Variants in PSEN2 observed in about 807,000 individuals in gnomAD.
The protein encoded by PSEN2 is presenilin 2.
In PSEN2, 32 loss-of-function variants were observed where a neutral mutation model predicts 49.1. The ratio of observed to expected loss-of-function variants is 0.65; its 90% CI spans 0.49 to 0.88. The LOEUF (loss-of-function observed/expected upper bound fraction) is 0.88, where lower values mean the gene tolerates loss of function less well. Among genes scored for constraint, PSEN2 ranks in the 40% least tolerant of loss-of-function variants. The pLI is 0.00. For synonymous variants in PSEN2, 255 were observed against 244.0 expected (o/e 1.05, Z -0.42); for missense variants, 522 against 586.9 (o/e 0.89, Z 1.14).
At chr1:226,874,837 T>C (rs537764045) in intron 2 of PSEN2, among the ~76,000 whole-genome samples, 4 of 152,344 alleles carry the variant, frequency 2.6e-5, no homozygotes, top group African/African-American at 7.2e-5. Context: ...TCAAATCACA[T>C]AGGCAGGCGA....
chr1:226,887,816 C>G (rs546428854), intron 6 of PSEN2, among the ~76,000 whole-genome samples: 1 of 152,276 alleles, frequency 6.6e-6, no homozygotes, highest in African/African-American at 2.4e-5. Context: ...CATTACCTTT[C>G]TAAGTGAACC....
chr1:226,878,767 G>T (rs1456364550), intron 3 of PSEN2, among the ~76,000 whole-genome samples: 1 of 152,164 alleles, frequency 6.6e-6, no homozygotes, highest in East Asian at 1.9e-4. Context: ...AAACAAAACT[G>T]TCATACTAGA....
intron 4 of PSEN2, among the ~76,000 whole-genome samples, chr1:226,882,676 TC>T (rs369062728): frequency 6.6e-6 from 1 of 152,206 alleles, no homozygotes; most frequent in African/African-American, 2.4e-5. Context: ...TGGACTGTTT[TC>T]TTGCAGCCAG....
chr1:226,883,214 A>T (rs1419753545), intron 4 of PSEN2, among the ~76,000 whole-genome samples: 1 of 152,230 alleles, frequency 6.6e-6, no homozygotes, highest in African/African-American at 2.4e-5. Context: ...TCTGTGGGGC[A>T]GAAAGTTCAA....
In PSEN2 at chr1:226,891,900, A is replaced by G. The variant is rs537527025; in HGVS notation, c.1072+56A>G. ...CAGCCTACGGCGGGAGCGGAGACAG[A>G]GGGTGGAGGCTCCCTGCAGCCTGGG... On this transcript the variant is annotated intron_variant, in intron 11 of 12. Transcript: ENST00000366783. 4.6e-6 allele frequency: 7 copies of G among 1,509,576 alleles called. No individual in the cohort carries two copies. The South Asian group carries it at 7.9e-5, about 17-fold the overall frequency. The allele number at this position is 1,509,576 out of a possible 1,614,324, so 93.5% of individuals were successfully genotyped here.
At chr1:226,876,684 G>A (rs1660647584) in intron 3 of PSEN2, among the ~76,000 whole-genome samples, 1 of 152,128 alleles carries the variant, frequency 6.6e-6, no homozygotes, top group Admixed American at 6.5e-5. Flanking sequence ...GGTTCGTAAA[G>A]TTTTATGTTC....
chr1:226,884,059 G>A (rs1286176065), intron 5 of PSEN2, 140 bp downstream of exon 5: 6 of 737,910 alleles, frequency 8.1e-6, no homozygotes, highest in Non-Finnish European at 1.3e-5. Context: ...GAACCGCCCA[G>A]GTTCATGGCC....
chr1:226,885,422 T>G, intron 5 of PSEN2, 116 bp from the exon 6 acceptor site: 1 of 1,188,764 alleles, frequency 8.4e-7, no homozygotes, highest in Non-Finnish European at 1.2e-6. Context: ...CAGGGCAGCA[T>G]GTGGGCAGCA....
At chr1:226,880,764 C>T in intron 3 of PSEN2, 2 of 1,612,096 alleles carry the variant, frequency 1.2e-6, no homozygotes, top group African/African-American at 1.3e-5. Context: ...GTGTGAAACC[C>T]CACTTGGCAC....
chr1:226,891,162 G>C (rs1661712982), intron 9 of PSEN2, 116 bp from the exon 10 acceptor site: 2 of 830,846 alleles, frequency 2.4e-6, no homozygotes, highest in Admixed American at 4.0e-5. Flanking sequence ...GCAGATACCT[G>C]CAGGATGGAG....
chr1:226,872,785 G>A (rs923980959), intron 2 of PSEN2, among the ~76,000 whole-genome samples: 1 of 152,136 alleles, frequency 6.6e-6, no homozygotes, highest in Non-Finnish European at 1.5e-5. Context: ...CCACAGCTGC[G>A]GAAAGGCGGG....
chr1:226,901,434 CAAAA>C (rs71179182), downstream of PSEN2, among the ~76,000 whole-genome samples: 6 of 117,730 alleles, frequency 5.1e-5, no homozygotes, highest in Admixed American at 8.4e-5. Flanking sequence ...GAAACTGTCT[CAAAA>C]AAAAAAAAAA....
intron 3 of PSEN2, chr1:226,880,752 CT>C (rs753669662): frequency 6.2e-7 from 1 of 1,612,520 alleles, no homozygotes; most frequent in Non-Finnish European, 8.5e-7. Context: ...CTTGGTACTA[CT>C]GTGTGAAACC....
intron 4 of PSEN2, among the ~76,000 whole-genome samples, chr1:226,883,440 A>G (rs1661124551): frequency 1.3e-5 from 2 of 152,346 alleles, no homozygotes; most frequent in South Asian, 2.1e-4. Context: ...TTCATTAACC[A>G]TTAAGTTGAT....
chr1:226,895,373 C>G, intron 12 of PSEN2, 51 bp from the exon 13 acceptor site: 1 of 1,609,126 alleles, frequency 6.2e-7, no homozygotes, highest in Non-Finnish European at 8.5e-7. Context: ...ACTCACAGCT[C>G]CTGTCCACAC....
chr1:226,884,460 C>T (rs1351488843), intron 5 of PSEN2, among the ~76,000 whole-genome samples: 1 of 151,882 alleles, frequency 6.6e-6, no homozygotes, highest in Non-Finnish European at 1.5e-5. Flanking sequence ...GAGGCAGCAG[C>T]GTAGAAAAAT....
intron 12 of PSEN2, 142 bp downstream of exon 12, chr1:226,894,267 G>T: frequency 1.5e-6 from 1 of 656,526 alleles, no homozygotes; most frequent in Non-Finnish European, 2.6e-6. Flanking sequence ...AGCGGGGCTG[G>T]AAGGGTCAGC....
intron 12 of PSEN2, among the ~76,000 whole-genome samples, chr1:226,903,006 TG>T (rs2102706381): frequency 1.3e-5 from 2 of 149,366 alleles, no homozygotes; most frequent in South Asian, 4.1e-4. Flanking sequence ...AAGAATTATT[TG>T]TACTATTCCT....
Position 226,881,883 on chromosome 1 carries a change from T to A in PSEN2, c.-20-5T>A. On this transcript the variant is annotated splice_polypyrimidine_tract_variant and splice_region_variant and intron_variant, in intron 3 of 12. Coordinates refer to ENST00000366783, the MANE Select transcript of PSEN2 (RefSeq NM_000447.3). ...GGAACAAGGTCCTTGTGCTCCTTTTTCCAGGTGCTTCCAGAGGCAGGGCTA... is the reference window on the plus strand; with the variant it reads ...GGAACAAGGTCCTTGTGCTCCTTTTACCAGGTGCTTCCAGAGGCAGGGCTA... The A allele has an allele frequency of 6.2e-7, 1 of 1,614,262 alleles. No individual in the cohort carries two copies.
Sources: allele counts gnomAD v4.1 joint callset (sites outside exome capture counted in the v4.1 genomes callset), GRCh38; gene constraint gnomAD v4.1.1; transcripts MANE v1.5; gene names NCBI Gene and HGNC (gene_info 2026-07-23, HGNC 2026-07-21).